The following PSD3 variants were observed in gnomAD, a reference collection of about 807,000 sequenced individuals.
The protein encoded by PSD3 is PH and SEC7 domain-containing protein 3.
A neutral mutation model predicts 105.5 loss-of-function variants in PSD3; 49 were observed. That is an observed-to-expected ratio of 0.46 (90% CI 0.37 to 0.59). PSD3 has a LOEUF of 0.59. Ranked by LOEUF, PSD3 falls within the 20% of genes least tolerant of loss-of-function variation. The probability of loss-of-function intolerance (pLI) is 0.00; values close to 1 mark genes in which losing one functional copy is unlikely to be tolerated. For synonymous variants in PSD3, 557 were observed against 457.8 expected (o/e 1.22, Z -2.77); for missense variants, 1,561 against 1,263.8 (o/e 1.24, Z -3.57).
intron 15 of PSD3, among the ~76,000 whole-genome samples, chr8:18,551,660 G>A (rs1347669797): frequency 6.6e-6 from 1 of 152,126 alleles, no homozygotes; most frequent in African/African-American, 2.4e-5. Context: ...GCTACTCTGG[G>A]TCGCAATTCA....
chr8:18,928,882 A>G (rs1043755694), intron 2 of PSD3, among the ~76,000 whole-genome samples: 4 of 150,592 alleles, frequency 2.7e-5, no homozygotes, highest in Admixed American at 2.7e-4. Context: ...AGGTCTCACT[A>G]TGTTGCCCAG....
At chr8:18,599,060 A>G (rs1225004129) in intron 12 of PSD3, among the ~76,000 whole-genome samples, 1 of 152,170 alleles carries the variant, frequency 6.6e-6, no homozygotes, top group Non-Finnish European at 1.5e-5. Flanking sequence ...TCCAAAATTT[A>G]TATGTAATCA....
intron 9 of PSD3, among the ~76,000 whole-genome samples, chr8:18,699,230 C>T (rs1200294413): frequency 6.6e-6 from 1 of 152,110 alleles, no homozygotes; most frequent in African/African-American, 2.4e-5. Context: ...TTTTACAGGC[C>T]AAATACAGAA....
intron 12 of PSD3, among the ~76,000 whole-genome samples, chr8:18,580,578 A>G (rs1391855236): frequency 6.6e-6 from 1 of 152,076 alleles, no homozygotes; most frequent in African/African-American, 2.4e-5. Flanking sequence ...CAAGCCCCCA[A>G]AACAAAACAC....
chr8:18,828,068 T>TATATATATATATATATATATA (rs1554515387), intron 4 of PSD3, among the ~76,000 whole-genome samples: 1 of 83,304 alleles, frequency 1.2e-5, no homozygotes, highest in African/African-American at 5.7e-5. Flanking sequence ...TATATATATA[T>TATATATATATATATATATATA]TTTTTTTTTT....
rs1817066394 is a variant in PSD3 at position 18,867,934 on chromosome 8, T to A, written c.1374A>T (p.Ala458=). ...CTGAGTATAATGTCTCCAGGGACTC[T>A]GCACTGTAGTATAAAGAAGTGTTGT... ...ILDNTSLYYS[A]ESLETLYSEP... is the part of the protein sequence containing the mutation. The change falls in exon 4 of 16, where the codon GCA becomes GCT. Residue 458 remains alanine, a synonymous_variant. Coordinates refer to ENST00000327040, the MANE Select transcript of PSD3 (RefSeq NM_015310.4). The A allele has an allele frequency of 1.9e-6, 3 of 1,614,214 alleles. No homozygotes were observed. In the South Asian group the frequency reaches 3.3e-5, roughly 18 times the overall value.
intron 8 of PSD3, among the ~76,000 whole-genome samples, chr8:18,776,629 G>A (rs1203403901): frequency 3.9e-5 from 6 of 151,978 alleles, no homozygotes; most frequent in African/African-American, 1.4e-4. Context: ...GCTAGCTTTG[G>A]CCTCCTCAAG....
intron 8 of PSD3, among the ~76,000 whole-genome samples, chr8:18,785,683 T>C (rs1204255251): frequency 6.6e-6 from 1 of 152,216 alleles, no homozygotes; most frequent in African/African-American, 2.4e-5. Context: ...TTCTGGCCTA[T>C]CTCAGCCTCA....
At chr8:18,609,442 C>G (rs1039351905) in intron 11 of PSD3, among the ~76,000 whole-genome samples, 2 of 152,184 alleles carry the variant, frequency 1.3e-5, no homozygotes, top group African/African-American at 4.8e-5. Context: ...AACTTGAAAA[C>G]AAAGATATAC....
At chr8:18,969,911 G>A (rs1313660627) in intron 1 of PSD3, among the ~76,000 whole-genome samples, 4 of 152,032 alleles carry the variant, frequency 2.6e-5, no homozygotes, top group African/African-American at 4.8e-5. Flanking sequence ...AAAACAGTGC[G>A]CAAAATACCT....
At chr8:18,992,311 A>AAT (rs969790990) in intron 1 of PSD3, among the ~76,000 whole-genome samples, 18 of 33,096 alleles carry the variant, frequency 5.4e-4, no homozygotes, top group Admixed American at 9.5e-4. Context: ...GTGATACTTA[A>AAT]AAAAAAAAAA....
intron 8 of PSD3, among the ~76,000 whole-genome samples, chr8:18,786,617 A>G (rs1809186180): frequency 6.6e-6 from 1 of 152,244 alleles, no homozygotes; most frequent in South Asian, 2.1e-4. Flanking sequence ...ATATAGATTC[A>G]GACCAACAAA....
intron 10 of PSD3, among the ~76,000 whole-genome samples, chr8:18,637,891 C>A (rs1300052409): frequency 6.6e-6 from 1 of 152,110 alleles, no homozygotes; most frequent in Non-Finnish European, 1.5e-5. Context: ...AGCATGGTGG[C>A]TCATGCCTGT....
At chr8:18,826,569 A>T (rs973662180) in intron 4 of PSD3, among the ~76,000 whole-genome samples, 3 of 152,258 alleles carry the variant, frequency 2.0e-5, no homozygotes, top group Admixed American at 1.3e-4. Flanking sequence ...TTGGGAATAT[A>T]AATTGAAATG....
At chr8:18,572,949 C>T (rs1473560368) in intron 13 of PSD3, among the ~76,000 whole-genome samples, 1 of 152,140 alleles carries the variant, frequency 6.6e-6, no homozygotes, top group African/African-American at 2.4e-5. Flanking sequence ...TAAACCCCTA[C>T]TTTCTGTTTG....
At chr8:18,752,600 TTA>T (rs1563225733) in intron 9 of PSD3, among the ~76,000 whole-genome samples, 2 of 82,852 alleles carry the variant, frequency 2.4e-5, no homozygotes, top group African/African-American at 1.3e-4. Flanking sequence ...ATATTATATA[TTA>T]TATATAATAC....
At chr8:18,987,312 G>T (rs559761176) in intron 1 of PSD3, among the ~76,000 whole-genome samples, 52 of 150,374 alleles carry the variant, frequency 3.5e-4, no homozygotes, top group African/African-American at 1.2e-3. Flanking sequence ...TTTTAAGACG[G>T]AGTCTCGCAC....
chr8:19,058,695 C>A (rs991993433), intron 1 of PSD3, among the ~76,000 whole-genome samples: 5 of 152,078 alleles, frequency 3.3e-5, no homozygotes, highest in African/African-American at 1.2e-4. Context: ...ACAAAAGTTT[C>A]TTGAAGTTTG....
intron 9 of PSD3, among the ~76,000 whole-genome samples, chr8:18,742,180 T>C (rs1463586954): frequency 1.1e-4 from 16 of 152,234 alleles, no homozygotes; most frequent in South Asian, 4.1e-4. Flanking sequence ...CTTAGAATCA[T>C]CTTCCTATTT....
Sources: allele counts gnomAD v4.1 joint callset (sites outside exome capture counted in the v4.1 genomes callset), GRCh38; gene constraint gnomAD v4.1.1; transcripts MANE v1.5; gene names NCBI Gene and HGNC (gene_info 2026-07-23, HGNC 2026-07-21).